Variants in ZNF571 observed in about 807,000 individuals in gnomAD.
ZNF571 encodes zinc finger protein 571.
In ZNF571, 4 loss-of-function variants were observed where a neutral mutation model predicts 7.7. That is an observed-to-expected ratio of 0.52 (90% confidence interval 0.25 to 1.18). The LOEUF is 1.18. Among genes scored for constraint, ZNF571 ranks in the 50% most tolerant of loss-of-function variants. The pLI is 0.14. For missense variants in ZNF571, 704 were observed against 726.9 expected, an observed-to-expected ratio of 0.97 and a Z score of 0.36; for synonymous variants, 251 against 232.4, an observed-to-expected ratio of 1.08 and a Z score of -0.73.
intron 1 of ZNF571, among the ~76,000 whole-genome samples, chr19:37,590,784 A>G (rs1417745175): frequency 1.3e-5 from 2 of 152,208 alleles, no homozygotes; most frequent in African/African-American, 4.8e-5. Context: ...AACCAATGCT[A>G]TGTGAGTACT....
intron 1 of ZNF571, among the ~76,000 whole-genome samples, chr19:37,589,312 C>T (rs2043795761): frequency 6.6e-6 from 1 of 151,218 alleles, no homozygotes; most frequent in Admixed American, 6.6e-5. Flanking sequence ...ATAAATGTTC[C>T]TACATTTAAA....
chr19:37,565,646 C>T lies in ZNF571; in HGVS notation c.782G>A (p.Ser261Asn), dbSNP rs1431201758. The T allele has an allele frequency of 2.5e-6, 4 of 1,613,082 alleles. No homozygotes were observed. The South Asian group carries it at 3.3e-5, about 13-fold the overall frequency. Residue 261 changes from serine (S) to asparagine (N), a missense_variant, in exon 4 of 4, where the codon AGT (serine) becomes AAT (asparagine). Physicochemically the swap from Ser to Asn is conservative, Grantham distance 46 (BLOSUM62 1). Transcript: ENST00000451802. ...ATGAAGAGTATATTGTGAACAATAACTAAAGGCTTTTCCACATTTCTTACA... is the reference window on the plus strand; with the variant it reads ...ATGAAGAGTATATTGTGAACAATAATTAAAGGCTTTTCCACATTTCTTACA... ...YECKKCGKAF[S>N]YCSQYTLHQR...
chr19:37,583,772 G>T (rs1269131835), intron 3 of ZNF571, 199 bp downstream of exon 3: 5 of 490,480 alleles, frequency 1.0e-5, no homozygotes, highest in Non-Finnish European at 1.8e-5. Flanking sequence ...CATCAAAGAA[G>T]GGAGACACTG....
At chr19:37,573,580 A>G (rs75088092) in intron 3 of ZNF571, among the ~76,000 whole-genome samples, 2,084 of 151,602 alleles carry the variant, frequency 0.014, 43 homozygotes, top group African/African-American at 0.047. Context: ...TAATGCTAGG[A>G]CTTTGGGAGG....
At chr19:37,579,189 C>G (rs976145265) in intron 3 of ZNF571, among the ~76,000 whole-genome samples, 23 of 152,308 alleles carry the variant, frequency 1.5e-4, no homozygotes, top group African/African-American at 5.5e-4. Flanking sequence ...CAACCTGTCC[C>G]ACCTCCCCAC....
At chr19:37,577,768 G>C (rs536154654) in intron 3 of ZNF571, among the ~76,000 whole-genome samples, 1 of 152,212 alleles carries the variant, frequency 6.6e-6, no homozygotes, top group African/African-American at 2.4e-5. Flanking sequence ...ACTCTAGGGG[G>C]GCACTCAAGA....
At chr19:37,578,068 C>T (rs751660589) in intron 3 of ZNF571, among the ~76,000 whole-genome samples, 2 of 152,146 alleles carry the variant, frequency 1.3e-5, no homozygotes, top group African/African-American at 2.4e-5. Context: ...ATCTAGGTTG[C>T]GGGCTCCTTA....
At chr19:37,581,651 T>C (rs117289310) in intron 3 of ZNF571, among the ~76,000 whole-genome samples, 4 of 151,862 alleles carry the variant, frequency 2.6e-5, no homozygotes, top group Admixed American at 6.6e-5. Context: ...TAAGTAGAGA[T>C]GGGGTTTTGC....
chr19:37,586,677 G>C lies in ZNF571; in HGVS notation c.-1C>G. Reference sequence around the variant, plus strand: ...AGAAACAGCAACTCACGTGGGGCATGGTTTTTTAGAACTGATCAATTTTCT... The same window carrying C: ...AGAAACAGCAACTCACGTGGGGCATCGTTTTTTAGAACTGATCAATTTTCT... On this transcript the variant is annotated 5_prime_UTR_variant, in exon 2 of 4. Coordinates refer to ENST00000451802, the MANE Select transcript of ZNF571 (RefSeq NM_016536.5). 2 of 1,614,062 alleles carry C rather than the reference G, an allele frequency of 1.2e-6. No homozygotes were observed. Among genetic ancestry groups the C allele is most frequent in the Non-Finnish European group, 1.7e-6 (2 of 1,179,978 alleles).
chr19:37,565,812 G>C lies in ZNF571; in HGVS notation c.616C>G (p.Arg206Gly). Residue 206 changes from arginine to glycine, a missense_variant, in exon 4 of 4, where the codon CGT becomes GGT. Arg to Gly is a moderately radical substitution (Grantham distance 125, BLOSUM62 -2). Transcript: ENST00000451802. Reference sequence around the variant, plus strand: ...TGATGTTGAATGAGATCAGAAGTACGACCAAAGGCCTTTCCACATTCCATA... The same window carrying C: ...TGATGTTGAATGAGATCAGAAGTACCACCAAAGGCCTTTCCACATTCCATA... The part of the protein sequence containing the change: ...ECMECGKAFG[R>G]TSDLIQHQKI... 1 of 1,613,496 alleles carries C rather than the reference G, an allele frequency of 6.2e-7. No homozygotes were observed. The highest frequency in any genetic ancestry group is 8.5e-7 in the Non-Finnish European group (1 of 1,179,742).
rs1230270987 is a variant in ZNF571, at chr19:37,568,169, T to C, written c.137-1878A>G. On this transcript the variant is annotated intron_variant, in intron 3 of 3. Coordinates refer to ENST00000451802, the MANE Select transcript of ZNF571 (RefSeq NM_016536.5). ...GTCTCTGACCACTGTATATAGGCTGTAGAATAACAAAGACTGGTCATGGGA... is the reference window on the plus strand; with the variant it reads ...GTCTCTGACCACTGTATATAGGCTGCAGAATAACAAAGACTGGTCATGGGA... Among the ~76,000 whole-genome samples the C allele has an allele frequency of 5.3e-5, 8 of 152,154 alleles. No individual in the cohort carries two copies. In the East Asian group the frequency reaches 5.8e-4, roughly 11 times the overall value.
chr19:37,584,685 G>A (rs1033875833), intron 2 of ZNF571, among the ~76,000 whole-genome samples: 10 of 152,200 alleles, frequency 6.6e-5, no homozygotes, highest in Admixed American at 1.3e-4. Context: ...ATTCTCGGCC[G>A]GGCGCGGTGG....
chr19:37,565,819 G>A lies in ZNF571; in HGVS notation c.609C>T (p.Ala203=), dbSNP rs2147151020. 6.2e-7 allele frequency: 1 copy of A among 1,613,672 alleles called. No individual in the cohort carries two copies. Among genetic ancestry groups the A allele is most frequent in the Non-Finnish European group, 8.5e-7 (1 of 1,179,774 alleles). The change falls in exon 4 of 4, where the codon GCC becomes GCT. Residue 203 remains alanine (A), a synonymous_variant. Coordinates refer to ENST00000451802, the MANE Select transcript of ZNF571 (RefSeq NM_016536.5). ...KPYECMECGK[A]FGRTSDLIQH... is the part of the protein sequence containing the mutation. The stretch of plus-strand genomic sequence containing the variant: ...GAATGAGATCAGAAGTACGACCAAA[G>A]GCCTTTCCACATTCCATACACTCAT...
At chr19:37,573,890 T>C (rs1038793116) in intron 3 of ZNF571, among the ~76,000 whole-genome samples, 2 of 151,940 alleles carry the variant, frequency 1.3e-5, no homozygotes, top group Non-Finnish European at 1.5e-5. Context: ...TTAGCTGCTA[T>C]TACTACTTTA....
intron 3 of ZNF571, among the ~76,000 whole-genome samples, chr19:37,576,523 C>CT (rs1302703468): frequency 1.3e-5 from 2 of 152,240 alleles, no homozygotes; most frequent in East Asian, 3.9e-4. Context: ...ACAAGATTGA[C>CT]TAAGTTATAC....
chr19:37,585,913 T>C (rs759001135), intron 2 of ZNF571: 3 of 152,194 alleles, frequency 2.0e-5, no homozygotes, highest in Non-Finnish European at 4.4e-5. Flanking sequence ...CAAAATGTGA[T>C]TGCTGGCTTT....
rs533128503 is a variant in ZNF571, at chr19:37,565,539, G to GGTAA, written c.885_888dup (p.His297LeufsTer7). 1 of 1,613,520 alleles carries GGTAA rather than the reference G, an allele frequency of 6.2e-7. No homozygotes were observed. Among genetic ancestry groups the GGTAA allele is most frequent in the African/African-American group, 1.3e-5 (1 of 74,890 alleles). On this transcript the variant is annotated frameshift_variant, in exon 4 of 4. Transcript: ENST00000451802. LOFTEE classifies it low-confidence loss of function (END_TRUNC). The stretch of plus-strand genomic sequence containing the variant: ...TTCTCACCACTATGAATTCTCTGAT[G>GGTAA]GTAAGTAAGTTGAGAGCCAAGAATA...
chr19:37,578,507 T>C (rs565355923), intron 3 of ZNF571, among the ~76,000 whole-genome samples: 85 of 152,306 alleles, frequency 5.6e-4, no homozygotes, highest in African/African-American at 1.9e-3. Context: ...CTCAAGCCCA[T>C]GTGGAGCACC....
chr19:37,565,372 T>G lies in ZNF571; in HGVS notation c.1056A>C (p.Glu352Asp). ...KAFLCASQLN[E>D]HQRIHTGEKP... ...TCTCTCCTGTATGAATTCTCTGATG[T>G]TCATTCAGTTGGGAGGCACATAAAA... Residue 352 changes from glutamate to aspartate, a missense_variant, in exon 4 of 4, where the codon GAA becomes GAC. Glu to Asp is a conservative substitution (Grantham distance 45). Transcript: ENST00000451802. 1 of 1,613,838 alleles carries G rather than the reference T, an allele frequency of 6.2e-7. No individual in the cohort carries two copies. The highest frequency in any genetic ancestry group is 8.5e-7 in the Non-Finnish European group (1 of 1,179,872).
Sources: allele counts gnomAD v4.1 joint callset (sites outside exome capture counted in the v4.1 genomes callset), GRCh38; gene constraint gnomAD v4.1.1; transcripts MANE v1.5; gene names NCBI Gene and HGNC (gene_info 2026-07-23, HGNC 2026-07-21).